The following DAPK2 variants were observed in gnomAD, a reference collection of about 807,000 sequenced individuals.
DAPK2 encodes death-associated protein kinase 2.
Under a neutral mutation model 44.1 loss-of-function variants are expected in DAPK2, and 35 were observed. The observed-to-expected ratio is 0.79, with a 90% CI of 0.61 to 1.05. The LOEUF (loss-of-function observed/expected upper bound fraction) is 1.05, where lower values mean the gene tolerates loss of function less well. Among genes scored for constraint, DAPK2 ranks in the 50% least tolerant of loss-of-function variants. The pLI, the probability that DAPK2 is intolerant of heterozygous loss-of-function variation, is 0.00. For missense variants in DAPK2, 453 were observed against 483.2 expected (o/e 0.94, Z 0.59); for synonymous variants, 174 against 182.6 (o/e 0.95, Z 0.38).
At chr15:63,926,179 C>CA in intron 6 of DAPK2, 86 bp from the exon 8 acceptor site, 1 of 1,468,490 alleles carries the variant, frequency 6.8e-7, no homozygotes, top group Non-Finnish European at 9.2e-7. Context: ...TGCCCCATGA[C>CA]TGCTGCAGGG....
intron 3 of DAPK2, among the ~76,000 whole-genome samples, chr15:63,941,002 C>T (rs370516959): frequency 5.3e-5 from 8 of 152,098 alleles, no homozygotes; most frequent in East Asian, 3.9e-4. Flanking sequence ...ACTTTGTAAA[C>T]GGTACACATT....
chr15:64,005,180 C>T (rs920795959), intron 1 of DAPK2, among the ~76,000 whole-genome samples: 1 of 152,010 alleles, frequency 6.6e-6, no homozygotes, highest in African/African-American at 2.4e-5. Context: ...CAATACCCAT[C>T]CTTGAGTGGT....
chr15:64,009,759 C>G (rs1595887663), intron 1 of DAPK2, among the ~76,000 whole-genome samples: 1 of 152,082 alleles, frequency 6.6e-6, no homozygotes, highest in Admixed American at 6.6e-5. Context: ...TTGCCTTTCC[C>G]CCCGCCCCTA....
chr15:64,038,282 A>G (rs114111099), intron 1 of DAPK2, among the ~76,000 whole-genome samples: 12 of 152,288 alleles, frequency 7.9e-5, no homozygotes, highest in African/African-American at 2.9e-4. Context: ...TTGTACCCAC[A>G]GTACTCAGCA....
intron 3 of DAPK2, among the ~76,000 whole-genome samples, chr15:63,960,681 C>T (rs145159458): frequency 0.46 from 69,745 of 152,020 alleles, 17,662 homozygotes; most frequent in East Asian, 0.97. Context: ...TTCTTAATCC[C>T]GAGTTATAGT....
intron 3 of DAPK2, among the ~76,000 whole-genome samples, chr15:63,970,079 C>T (rs1437786171): frequency 6.6e-6 from 1 of 152,220 alleles, no homozygotes; most frequent in Non-Finnish European, 1.5e-5. Context: ...GCTTTAGCCT[C>T]CTAGCTGAGC....
At chr15:63,991,441 T>C in intron 1 of DAPK2, 1 of 412,646 alleles carries the variant, frequency 2.4e-6, no homozygotes. Context: ...CTGTTTCCCC[T>C]CCCTGACCTT....
chr15:63,959,812 TTC>T (rs2077835015), intron 3 of DAPK2, among the ~76,000 whole-genome samples: 1 of 152,194 alleles, frequency 6.6e-6, no homozygotes, highest in South Asian at 2.1e-4. Flanking sequence ...TGGTCTAAAA[TTC>T]TCTTTTTTGT....
At chr15:63,913,241 T>C (rs2078842106) in intron 8 of DAPK2, among the ~76,000 whole-genome samples, 2 of 152,208 alleles carry the variant, frequency 1.3e-5, no homozygotes, top group South Asian at 4.1e-4. Context: ...ATGACATTTC[T>C]TCCTGGGGTA....
intron 1 of DAPK2, among the ~76,000 whole-genome samples, chr15:64,038,730 T>A (rs2080278335): frequency 6.6e-6 from 1 of 151,870 alleles, no homozygotes; most frequent in Non-Finnish European, 1.5e-5. Flanking sequence ...ATAAGAGTTC[T>A]ATAAAGGGAA....
chr15:63,983,770 C>A lies in DAPK2; in HGVS notation c.93-16G>T. The A allele has an allele frequency of 1.2e-6, 2 of 1,606,716 alleles. No individual in the cohort carries two copies. The highest frequency in any genetic ancestry group is 2.2e-5 in the South Asian group (2 of 90,918). On this transcript the variant is annotated splice_polypyrimidine_tract_variant and intron_variant, in intron 1 of 10. Coordinates refer to ENST00000261891, the Ensembl canonical transcript of DAPK2. ...AAACTGGCCACTGTGGGGACACAGACCCACAAGATTAGGTCATCACTGTGG... is the reference window on the plus strand; with the variant it reads ...AAACTGGCCACTGTGGGGACACAGAACCACAAGATTAGGTCATCACTGTGG...
rs2079430033 is a variant in DAPK2, at chr15:64,013,092, C to T, written c.92+27078G>A. On this transcript the variant is annotated intron_variant, in intron 1 of 10. Transcript: ENST00000261891. The surrounding 1 kb of genome is among the most constrained non-coding windows in gnomAD (Gnocchi z 4.7). ...CTAGTCCCTGAAAGGAGGCCTGAGA[C>T]CCCTGCCACCCCAGACCCCCAGACA... 6.6e-6 allele frequency among the ~76,000 whole-genome samples: 1 copy of T among 152,208 alleles called. No individual in the cohort carries two copies. The highest frequency in any genetic ancestry group is 2.1e-4 in the South Asian group (1 of 4,830).
intron 3 of DAPK2, among the ~76,000 whole-genome samples, chr15:63,941,744 C>T (rs1261570416): frequency 6.6e-6 from 1 of 152,096 alleles, no homozygotes; most frequent in Non-Finnish European, 1.5e-5. Flanking sequence ...CAAGTCTCCC[C>T]AAGGCACCGC....
At chr15:63,924,152 A>T (rs532744593) in intron 8 of DAPK2, among the ~76,000 whole-genome samples, 1 of 152,250 alleles carries the variant, frequency 6.6e-6, no homozygotes, top group African/African-American at 2.4e-5. Context: ...ACCCTCTCAA[A>T]GTGCTCTTCA....
intron 1 of DAPK2, among the ~76,000 whole-genome samples, chr15:64,001,530 A>G (rs2079084092): frequency 6.6e-6 from 1 of 152,186 alleles, no homozygotes; most frequent in African/African-American, 2.4e-5. Flanking sequence ...CTAAGCAGTG[A>G]TCAGAGCTCC....
At chr15:64,033,259 G>C (rs1595917716) in intron 1 of DAPK2, among the ~76,000 whole-genome samples, 1 of 17,360 alleles carries the variant, frequency 5.8e-5, no homozygotes, top group Admixed American at 8.9e-4. Context: ...CCCCTGGGGA[G>C]GGGGAGGGGG....
At chr15:63,952,342 G>A (rs967291247) in intron 3 of DAPK2, among the ~76,000 whole-genome samples, 3 of 152,192 alleles carry the variant, frequency 2.0e-5, no homozygotes, top group South Asian at 2.1e-4. Context: ...AAAGTGTTCC[G>A]GAGGAAATGG....
chr15:63,913,166 C>T (rs2078840531), intron 8 of DAPK2, among the ~76,000 whole-genome samples: 1 of 152,006 alleles, frequency 6.6e-6, no homozygotes, highest in Non-Finnish European at 1.5e-5. Context: ...TCCGTAGAAA[C>T]AAAGCAGATG....
chr15:64,045,510 C>G (rs1036496276), intron 1 of DAPK2, among the ~76,000 whole-genome samples: 1 of 152,200 alleles, frequency 6.6e-6, no homozygotes, highest in Admixed American at 6.5e-5. Context: ...GCCCGCTTGC[C>G]CCCGAGGCAG....
Sources: allele counts gnomAD v4.1 joint callset (sites outside exome capture counted in the v4.1 genomes callset), GRCh38; gene constraint gnomAD v4.1.1; non-coding constraint Gnocchi (gnomAD v3.1); transcripts MANE v1.5; gene names NCBI Gene and HGNC (gene_info 2026-07-23, HGNC 2026-07-21).